Variants in ATRNL1 observed in about 807,000 individuals in gnomAD.
ATRNL1 encodes attractin-like protein 1.
ATRNL1 carries 95 observed loss-of-function variants against 182.7 expected under a neutral mutation model. The observed-to-expected ratio is 0.52, with a 90% CI of 0.44 to 0.62. The LOEUF (loss-of-function observed/expected upper bound fraction) is 0.62. ATRNL1 is among the 20% of genes least tolerant of loss of function. ATRNL1 has a pLI of 0.00. For missense variants in ATRNL1, 1,471 were observed against 1,679.5 expected, an observed-to-expected ratio of 0.88 and a Z score of 2.17; for synonymous variants, 576 against 568.3, an observed-to-expected ratio of 1.01 and a Z score of -0.19.
chr10:115,609,865 G>T (rs1018422103), intron 26 of ATRNL1, among the ~76,000 whole-genome samples: 4 of 152,138 alleles, frequency 2.6e-5, no homozygotes, highest in South Asian at 2.1e-4. Context: ...GGATAGATTT[G>T]TTCTTACGGT....
intron 27 of ATRNL1, among the ~76,000 whole-genome samples, chr10:115,751,716 A>G (rs1948453837): frequency 6.6e-6 from 1 of 152,112 alleles, no homozygotes; most frequent in South Asian, 2.1e-4. Context: ...TAAAGTTTTC[A>G]TCTTATGCTG....
chr10:115,220,729 G>GA (rs1461987733), intron 9 of ATRNL1, among the ~76,000 whole-genome samples: 3 of 98,476 alleles, frequency 3.0e-5, no homozygotes, highest in East Asian at 4.0e-4. Context: ...AATAATGGGG[G>GA]GGGGGGGGCG....
intron 20 of ATRNL1, among the ~76,000 whole-genome samples, chr10:115,404,582 G>A (rs1844730548): frequency 6.6e-6 from 1 of 152,162 alleles, no homozygotes; most frequent in East Asian, 1.9e-4. Flanking sequence ...GTATAGAACT[G>A]CTGAGATTTT....
At chr10:115,665,551 A>G (rs1333448275) in intron 26 of ATRNL1, among the ~76,000 whole-genome samples, 1 of 152,208 alleles carries the variant, frequency 6.6e-6, no homozygotes, top group African/African-American at 2.4e-5. Context: ...GAAATCCATG[A>G]AAAAGCTACT....
Position 115,121,749 on chromosome 10 carries a change from G to T in ATRNL1, c.428G>T (p.Ser143Ile). The stretch of plus-strand genomic sequence containing the variant: ...TTCAATCATTTTGCTACAGAATGTA[G>T]CTGGGATCATATGTATGTTTATGAT... ...LRFNHFATEC[S>I]WDHMYVYDGD... Residue 143 changes from serine to isoleucine, a missense_variant, in exon 3 of 29, where the codon AGC becomes ATC. By Grantham distance (142) the Ser-to-Ile change is moderately radical. Around this residue, in one of 3 missense-constraint regions of ATRNL1, gnomAD observed 1,031 missense variants for 1,156.0 expected, o/e 0.89. Coordinates refer to ENST00000355044, the MANE Select transcript of ATRNL1 (RefSeq NM_207303.4). 3.2e-6 allele frequency: 5 copies of T among 1,580,264 alleles called. No individual in the cohort carries two copies. Among genetic ancestry groups the T allele is most frequent in the Non-Finnish European group, 4.3e-6 (5 of 1,161,476 alleles).
At chr10:115,775,264 C>A (rs1949094623) in intron 27 of ATRNL1, among the ~76,000 whole-genome samples, 1 of 152,184 alleles carries the variant, frequency 6.6e-6, no homozygotes, top group Non-Finnish European at 1.5e-5. Flanking sequence ...TATATTGAAT[C>A]AGCTTTGCAA....
chr10:115,430,823 G>A (rs1216002136), intron 21 of ATRNL1, among the ~76,000 whole-genome samples: 3 of 152,116 alleles, frequency 2.0e-5, no homozygotes, highest in South Asian at 2.1e-4. Flanking sequence ...CGTGGGTGCC[G>A]TGGGCATCTC....
At chr10:115,403,554 C>G (rs1844679802) in intron 20 of ATRNL1, among the ~76,000 whole-genome samples, 1 of 151,790 alleles carries the variant, frequency 6.6e-6, no homozygotes, top group Non-Finnish European at 1.5e-5. Flanking sequence ...TCTCTGGGTT[C>G]AAGCGATTCT....
intron 26 of ATRNL1, among the ~76,000 whole-genome samples, chr10:115,714,284 A>G (rs900487627): frequency 1.3e-5 from 2 of 152,100 alleles, no homozygotes; most frequent in Admixed American, 6.6e-5. Flanking sequence ...GGTTAGGCTC[A>G]CAGATACATT....
At chr10:115,544,817 T>C (rs1197767937) in intron 25 of ATRNL1, among the ~76,000 whole-genome samples, 3 of 152,158 alleles carry the variant, frequency 2.0e-5, no homozygotes, top group African/African-American at 7.2e-5. Flanking sequence ...GTGTCCAAGA[T>C]TGTCAATAAA....
At chr10:115,370,967 C>G (rs1328045844) in intron 19 of ATRNL1, among the ~76,000 whole-genome samples, 1 of 152,106 alleles carries the variant, frequency 6.6e-6, no homozygotes, top group East Asian at 1.9e-4. Context: ...GGACTTGGTT[C>G]CCTGCATCCT....
At chr10:115,943,417 GA>G (rs1234706821) in intron 28 of ATRNL1, among the ~76,000 whole-genome samples, 8 of 152,158 alleles carry the variant, frequency 5.3e-5, no homozygotes, top group Non-Finnish European at 1.2e-4. Context: ...AGTATATCAA[GA>G]GGTGCTCAGC....
intron 26 of ATRNL1, among the ~76,000 whole-genome samples, chr10:115,710,425 AC>A (rs1947029113): frequency 6.6e-6 from 1 of 152,130 alleles, no homozygotes; most frequent in Non-Finnish European, 1.5e-5. Flanking sequence ...TAATTGCGTG[AC>A]CTGTGACACA....
chr10:115,935,430 A>G (rs781964802), intron 28 of ATRNL1, among the ~76,000 whole-genome samples: 20 of 152,180 alleles, frequency 1.3e-4, no homozygotes, highest in Non-Finnish European at 2.5e-4. Flanking sequence ...ATTTTTGACC[A>G]TAGCTGATTT....
intron 25 of ATRNL1, among the ~76,000 whole-genome samples, chr10:115,547,258 A>AT (rs1554994015): frequency 2.3e-4 from 26 of 111,658 alleles, no homozygotes; most frequent in Non-Finnish European, 4.8e-4. Flanking sequence ...CCATCTCAAA[A>AT]AAAAAATATA....
chr10:115,923,137 A>G (rs1422705944), intron 28 of ATRNL1, among the ~76,000 whole-genome samples: 2 of 152,204 alleles, frequency 1.3e-5, no homozygotes, highest in Non-Finnish European at 2.9e-5. Context: ...ATGATAGTGA[A>G]GTGGCTCTAA....
At chr10:115,187,721 T>A (rs1848003925) in intron 8 of ATRNL1, among the ~76,000 whole-genome samples, 1 of 142,376 alleles carries the variant, frequency 7.0e-6, no homozygotes, top group African/African-American at 2.6e-5. Context: ...AGATGGAGTC[T>A]CCCTCTGTAG....
chr10:115,759,479 G>A (rs1948677575), intron 27 of ATRNL1, among the ~76,000 whole-genome samples: 1 of 152,086 alleles, frequency 6.6e-6, no homozygotes. Flanking sequence ...ATTGTCAGAT[G>A]ACCCCTGGGG....
chr10:115,117,368 G>C (rs1177619550), intron 1 of ATRNL1, among the ~76,000 whole-genome samples: 3 of 151,794 alleles, frequency 2.0e-5, no homozygotes, highest in Non-Finnish European at 4.4e-5. Context: ...ACCCTTCCCA[G>C]CCTCTGGTAA....
Sources: allele counts gnomAD v4.1 joint callset (sites outside exome capture counted in the v4.1 genomes callset), GRCh38; gene constraint gnomAD v4.1.1; regional missense constraint gnomAD v4.1.1; transcripts MANE v1.5; gene names NCBI Gene and HGNC (gene_info 2026-07-23, HGNC 2026-07-21).